The following AP2B1 variants were observed in gnomAD, a reference collection of about 807,000 sequenced individuals.
The protein encoded by AP2B1 is adaptor related protein complex 2 subunit beta 1, also known as AP-2 complex subunit beta.
In AP2B1, 23 loss-of-function variants were observed where a neutral mutation model predicts 102.0. The ratio of observed to expected loss-of-function variants is 0.23; its 90% CI spans 0.16 to 0.32. The LOEUF (loss-of-function observed/expected upper bound fraction) is 0.32, where lower values mean the gene tolerates loss of function less well. Among genes scored for constraint, AP2B1 ranks in the 10% least tolerant of loss-of-function variants. AP2B1 has a pLI of 1.00. For missense variants in AP2B1, 541 were observed against 1,157.4 expected, an observed-to-expected ratio of 0.47 and a Z score of 7.73; for synonymous variants, 381 against 421.2, an observed-to-expected ratio of 0.90 and a Z score of 1.17.
At chr17:35,658,071 T>TTTTTTTCCAGA (rs2075273275) in intron 14 of AP2B1, among the ~76,000 whole-genome samples, 2 of 152,202 alleles carry the variant, frequency 1.3e-5, no homozygotes. Flanking sequence ...GCAATTTTAA[T>TTTTTTTCCAGA]GTTTAGTATC....
chr17:35,702,915 A>G (rs1012674339), intron 18 of AP2B1, among the ~76,000 whole-genome samples: 2 of 152,248 alleles, frequency 1.3e-5, no homozygotes, highest in Admixed American at 1.3e-4. Flanking sequence ...CACAACACTT[A>G]TACACTATTG....
intron 18 of AP2B1, among the ~76,000 whole-genome samples, chr17:35,694,178 C>T (rs2076094369): frequency 6.6e-6 from 1 of 152,144 alleles, no homozygotes; most frequent in Non-Finnish European, 1.5e-5. Flanking sequence ...ATTTTAATCA[C>T]TTTAACTGAT....
At chr17:35,695,774 A>G (rs910820550) in intron 18 of AP2B1, among the ~76,000 whole-genome samples, 7 of 152,180 alleles carry the variant, frequency 4.6e-5, no homozygotes, top group African/African-American at 1.7e-4. Flanking sequence ...ATAAGCCGAA[A>G]GGCACCAGTC....
chr17:35,635,576 G>T (rs2074584727), intron 9 of AP2B1, among the ~76,000 whole-genome samples: 1 of 152,048 alleles, frequency 6.6e-6, no homozygotes, highest in Admixed American at 6.5e-5. Flanking sequence ...TAGAAACAGG[G>T]TTTCACCATT....
intron 21 of AP2B1, among the ~76,000 whole-genome samples, chr17:35,720,573 A>ATATATATATTTT (rs1324333805): frequency 1.8e-4 from 5 of 28,060 alleles, no homozygotes; most frequent in Non-Finnish European, 1.9e-4. Flanking sequence ...ATATATATAT[A>ATATATATATTTT]TTTTTTTTTT....
intron 5 of AP2B1, among the ~76,000 whole-genome samples, chr17:35,616,834 A>G (rs1301609839): frequency 6.6e-6 from 1 of 152,216 alleles, no homozygotes. Flanking sequence ...ATAGTGGTTG[A>G]AACTCAGGCT....
Position 35,670,907 on chromosome 17 carries a change from C to CA in AP2B1, c.2031+10dup. 1 of 1,613,904 alleles carries CA rather than the reference C, an allele frequency of 6.2e-7. No individual in the cohort carries two copies. Among genetic ancestry groups the CA allele is most frequent in the Non-Finnish European group, 8.5e-7 (1 of 1,179,908 alleles). Reference sequence around the variant, plus strand: ...TTGGAGGAAGTCCGGCAGTAAGTGCCATCTGTTTTTTTCACCATGAGAAGC... The same window carrying CA: ...TTGGAGGAAGTCCGGCAGTAAGTGCCAATCTGTTTTTTTCACCATGAGAAGC... On this transcript the variant is annotated intron_variant, in intron 15 of 21. Coordinates refer to ENST00000610402, the MANE Select transcript of AP2B1 (RefSeq NM_001030006.2).
chr17:35,685,520 C>T (rs1200682274), intron 18 of AP2B1, among the ~76,000 whole-genome samples: 1 of 151,964 alleles, frequency 6.6e-6, no homozygotes, highest in Non-Finnish European at 1.5e-5. Flanking sequence ...TCTAGTACTA[C>T]AGACCATAAA....
chr17:35,677,152 G>T (rs951460599), intron 17 of AP2B1, among the ~76,000 whole-genome samples: 3 of 152,020 alleles, frequency 2.0e-5, no homozygotes, highest in Non-Finnish European at 4.4e-5. Context: ...ACCACACCCA[G>T]CTAATTTTTT....
chr17:35,655,010 A>G (rs939028610), intron 13 of AP2B1, among the ~76,000 whole-genome samples: 42 of 152,192 alleles, frequency 2.8e-4, no homozygotes, highest in African/African-American at 9.2e-4. Flanking sequence ...ACTGTTTGTA[A>G]TCTTTCCTTA....
chr17:35,613,412 G>A (rs750188985), intron 5 of AP2B1, among the ~76,000 whole-genome samples: 8 of 151,990 alleles, frequency 5.3e-5, no homozygotes, highest in Non-Finnish European at 1.2e-4. Flanking sequence ...TTTGTTTCCT[G>A]TGTTTTGCAG....
At chr17:35,608,873 A>G (rs1388197447) in intron 5 of AP2B1, among the ~76,000 whole-genome samples, 1 of 152,242 alleles carries the variant, frequency 6.6e-6, no homozygotes, top group Non-Finnish European at 1.5e-5. Context: ...CAGCCAGAAC[A>G]TAGCTTAACA....
chr17:35,686,963 C>T (rs1406180846), intron 18 of AP2B1, among the ~76,000 whole-genome samples: 4 of 152,062 alleles, frequency 2.6e-5, no homozygotes, highest in Admixed American at 1.3e-4. Context: ...GGTGACAGAG[C>T]GAGACTCCGT....
intron 11 of AP2B1, among the ~76,000 whole-genome samples, chr17:35,640,123 G>T (rs1373924600): frequency 6.6e-6 from 1 of 152,070 alleles, no homozygotes; most frequent in Non-Finnish European, 1.5e-5. Flanking sequence ...CACCATGTTG[G>T]CCAGGCTGGT....
chr17:35,670,963 A>T, intron 15 of AP2B1, 65 bp downstream of exon 15: 1 of 1,534,536 alleles, frequency 6.5e-7, no homozygotes, highest in Admixed American at 1.7e-5. Context: ...TTTCCTATGT[A>T]CACATTATCA....
chr17:35,720,573 A>ATATATATATTTTTT (rs1324333805), intron 21 of AP2B1, among the ~76,000 whole-genome samples: 3 of 28,066 alleles, frequency 1.1e-4, no homozygotes, highest in Non-Finnish European at 1.9e-4. Flanking sequence ...ATATATATAT[A>ATATATATATTTTTT]TTTTTTTTTT....
At chr17:35,605,274 G>GTC (rs1315817738) in intron 3 of AP2B1, among the ~76,000 whole-genome samples, 1 of 145,480 alleles carries the variant, frequency 6.9e-6, no homozygotes, top group African/African-American at 2.6e-5. Flanking sequence ...AGACACAGGA[G>GTC]TCTCGCTCTT....
Position 35,674,276 on chromosome 17 carries a change from C to T in AP2B1, c.2279C>T (p.Ala760Val). 6.2e-7 allele frequency: 1 copy of T among 1,614,186 alleles called. No homozygotes were observed. The highest frequency in any genetic ancestry group is 8.5e-7 in the Non-Finnish European group (1 of 1,180,036). The change falls in exon 17 of 22, where the codon GCT becomes GTT. Residue 760 changes from alanine (A) to valine (V), a missense_variant. Ala to Val is a moderately conservative substitution (Grantham distance 64, BLOSUM62 0). Around this residue, in one of 10 missense-constraint regions of AP2B1, gnomAD observed 62 missense variants for 87.6 expected, o/e 0.71. Transcript: ENST00000610402. ...ATGGAAATGAACTTCACCAATAAAG[C>T]TCTGCAGCACATGACAGATTTTGCA... is the stretch of plus-strand genomic sequence containing the variant. ...IYMEMNFTNK[A>V]LQHMTDFAIQ...
intron 18 of AP2B1, among the ~76,000 whole-genome samples, chr17:35,686,666 A>G (rs919692234): frequency 1.3e-5 from 2 of 152,176 alleles, no homozygotes; most frequent in African/African-American, 2.4e-5. Context: ...TAATTCTACA[A>G]TTATTTAAGA....
Sources: allele counts gnomAD v4.1 joint callset (sites outside exome capture counted in the v4.1 genomes callset), GRCh38; gene constraint gnomAD v4.1.1; regional missense constraint gnomAD v4.1.1; transcripts MANE v1.5; gene names NCBI Gene and HGNC (gene_info 2026-07-23, HGNC 2026-07-21).